Variants in ADAMTSL3 observed in about 807,000 individuals in gnomAD.
ADAMTSL3 encodes the protein ADAMTS-like protein 3.
In ADAMTSL3, 128 loss-of-function variants were observed where a neutral mutation model predicts 201.7. The observed-to-expected ratio is 0.63, with a 90% confidence interval of 0.55 to 0.73. The LOEUF (loss-of-function observed/expected upper bound fraction) is 0.73. ADAMTSL3 is among the 30% of genes least tolerant of loss of function. The pLI is 0.00. For synonymous variants in ADAMTSL3, 738 were observed against 748.4 expected (o/e 0.99, Z 0.23); for missense variants, 1,990 against 2,119.6 (o/e 0.94, Z 1.20).
intron 2 of ADAMTSL3, among the ~76,000 whole-genome samples, chr15:83,691,839 C>T (rs970838685): frequency 6.6e-6 from 1 of 152,162 alleles, no homozygotes. Context: ...GTCTCGAACT[C>T]CTGACCTCAA....
At chr15:83,973,716 A>C (rs1298091862) in intron 20 of ADAMTSL3, among the ~76,000 whole-genome samples, 1 of 152,084 alleles carries the variant, frequency 6.6e-6, no homozygotes, top group Non-Finnish European at 1.5e-5. Context: ...AAAGTGGCAT[A>C]ATGTCGTGAT....
intron 17 of ADAMTSL3, among the ~76,000 whole-genome samples, chr15:83,941,929 T>C (rs1430805265): frequency 6.6e-6 from 1 of 152,242 alleles, no homozygotes; most frequent in Non-Finnish European, 1.5e-5. Flanking sequence ...CTTTTCTCAA[T>C]GATATTCTCC....
intron 2 of ADAMTSL3, among the ~76,000 whole-genome samples, chr15:83,698,835 C>T (rs1240302987): frequency 6.6e-6 from 1 of 152,140 alleles, no homozygotes; most frequent in Admixed American, 6.5e-5. Flanking sequence ...CCAAGGGATA[C>T]TTCTCTGGCC....
chr15:83,803,106 T>C (rs1427501954), intron 4 of ADAMTSL3, among the ~76,000 whole-genome samples: 1 of 152,206 alleles, frequency 6.6e-6, no homozygotes, highest in African/African-American at 2.4e-5. Flanking sequence ...GCTTATCATA[T>C]TAGATTAGGA....
At chr15:83,765,120 C>T (rs771052966) in intron 3 of ADAMTSL3, among the ~76,000 whole-genome samples, 7 of 152,160 alleles carry the variant, frequency 4.6e-5, no homozygotes, top group Non-Finnish European at 8.8e-5. Context: ...GAGCATTTCT[C>T]AACAGTACCT....
At chr15:83,664,447 T>G (rs1301716031) in intron 2 of ADAMTSL3, among the ~76,000 whole-genome samples, 1 of 152,134 alleles carries the variant, frequency 6.6e-6, no homozygotes, top group African/African-American at 2.4e-5. Context: ...AGTCCTTACC[T>G]CTCACTGCGC....
intron 2 of ADAMTSL3, among the ~76,000 whole-genome samples, chr15:83,661,856 A>G (rs1015814194): frequency 1.3e-5 from 2 of 149,204 alleles, no homozygotes; most frequent in African/African-American, 5.0e-5. Flanking sequence ...AGAAATGCAA[A>G]TCAAAACCAC....
chr15:83,699,424 G>C (rs1188449417), intron 2 of ADAMTSL3, among the ~76,000 whole-genome samples: 2 of 152,082 alleles, frequency 1.3e-5, no homozygotes, highest in African/African-American at 4.8e-5. Flanking sequence ...AAGCTTTGTT[G>C]GTTCTACTTC....
At chr15:83,819,500 G>T (rs2063823267) in intron 5 of ADAMTSL3, among the ~76,000 whole-genome samples, 1 of 152,006 alleles carries the variant, frequency 6.6e-6, no homozygotes, top group Admixed American at 6.6e-5. Context: ...ATTCAAGATG[G>T]TTAAAATAGG....
chr15:83,725,443 G>A (rs1437310675), intron 3 of ADAMTSL3, among the ~76,000 whole-genome samples: 1 of 152,150 alleles, frequency 6.6e-6, no homozygotes, highest in Non-Finnish European at 1.5e-5. Flanking sequence ...GCCTGCACTT[G>A]TCGGGTATTA....
At chr15:83,805,774 A>G (rs1338822232) in intron 5 of ADAMTSL3, among the ~76,000 whole-genome samples, 1 of 152,184 alleles carries the variant, frequency 6.6e-6, no homozygotes, top group African/African-American at 2.4e-5. Flanking sequence ...TAGCAAGGGA[A>G]TAGCAGAATG....
chr15:83,949,971 T>C (rs1596457670), intron 19 of ADAMTSL3, among the ~76,000 whole-genome samples: 1 of 152,126 alleles, frequency 6.6e-6, no homozygotes, highest in East Asian at 1.9e-4. Flanking sequence ...TTGTGTCTAC[T>C]TTGTTGATTG....
intron 6 of ADAMTSL3, among the ~76,000 whole-genome samples, chr15:83,826,759 T>C (rs1005941042): frequency 1.3e-5 from 2 of 148,862 alleles, no homozygotes; most frequent in Admixed American, 6.8e-5. Flanking sequence ...GAACATGCGG[T>C]GTTTGGTTTT....
chr15:83,767,175 G>A (rs776221570), intron 3 of ADAMTSL3, among the ~76,000 whole-genome samples: 2 of 152,202 alleles, frequency 1.3e-5, no homozygotes, highest in African/African-American at 4.8e-5. Flanking sequence ...TGCAAAATGG[G>A]GATGGTGATA....
At chr15:83,794,410 G>T (rs1046551273) in intron 4 of ADAMTSL3, among the ~76,000 whole-genome samples, 2 of 152,148 alleles carry the variant, frequency 1.3e-5, no homozygotes, top group African/African-American at 4.8e-5. Flanking sequence ...CAATCCCAAT[G>T]CCCTTTAGTG....
chr15:84,024,065 C>T (rs577048025), intron 26 of ADAMTSL3, among the ~76,000 whole-genome samples: 1 of 152,264 alleles, frequency 6.6e-6, no homozygotes, highest in South Asian at 2.1e-4. Context: ...AACATCTTGG[C>T]TAACACGGTG....
chr15:83,832,409 G>T (rs1459621779), intron 6 of ADAMTSL3, among the ~76,000 whole-genome samples: 1 of 152,168 alleles, frequency 6.6e-6, no homozygotes, highest in East Asian at 1.9e-4. Context: ...TTTTTGTGAT[G>T]CTACTGAGTA....
intron 19 of ADAMTSL3, among the ~76,000 whole-genome samples, chr15:83,947,362 G>A (rs1057260334): frequency 3.9e-5 from 6 of 152,244 alleles, no homozygotes; most frequent in African/African-American, 1.4e-4. Context: ...CTCTATTCAT[G>A]ATATGTTTAA....
At chr15:83,686,542 G>A (rs2061538344) in intron 2 of ADAMTSL3, among the ~76,000 whole-genome samples, 1 of 152,194 alleles carries the variant, frequency 6.6e-6, no homozygotes, top group African/African-American at 2.4e-5. Flanking sequence ...ATTCTTCTAT[G>A]TGGTGTTCTT....
Sources: gnomAD v4.1 joint callset for allele counts (sites outside exome capture counted in the v4.1 genomes callset) on GRCh38, gnomAD v4.1.1 for gene constraint, MANE v1.5 for transcripts, NCBI Gene and HGNC (gene_info 2026-07-23, HGNC 2026-07-21) for gene names.